RNF168: variants seen among roughly 807,000 people sequenced by gnomAD.
The protein encoded by RNF168 is ring finger protein 168.
RNF168 carries 34 observed loss-of-function variants against 34.9 expected under a neutral mutation model. That is an observed-to-expected ratio of 0.97 (90% CI 0.74 to 1.30). The LOEUF (loss-of-function observed/expected upper bound fraction) is 1.30, where lower values mean the gene tolerates loss of function less well. Among genes scored for constraint, RNF168 ranks in the 50% most tolerant of loss-of-function variants. The probability of loss-of-function intolerance (pLI) is 0.00; values close to 1 mark genes in which losing one functional copy is unlikely to be tolerated. For synonymous variants in RNF168, 264 were observed against 254.7 expected, an observed-to-expected ratio of 1.04 and a Z score of -0.35; for missense variants, 725 against 682.5, an observed-to-expected ratio of 1.06 and a Z score of -0.69.
chr3:196,502,529 A>C (rs1321605576), intron 1 of RNF168, among the ~76,000 whole-genome samples: 1 of 151,504 alleles, frequency 6.6e-6, no homozygotes, highest in Admixed American at 6.6e-5. Context: ...CGGAGGTTGC[A>C]GGGAGCCGAG....
At position 196,472,666 on chromosome 3, in the gene RNF168, G is replaced by T. The variant is rs771652459; in HGVS notation, c.869C>A (p.Ala290Glu). The change falls in exon 6 of 6, where the codon GCA becomes GAA. Residue 290 changes from alanine (A) to glutamate (E), a missense_variant. Physicochemically the swap from Ala to Glu is moderately radical, Grantham distance 107. Transcript: ENST00000318037. ...CATAGGGGACTCTATTGAAGAATCTGCACCTTGTTCTCCAACTCCAAGGGA... is the reference window on the plus strand; with the variant it reads ...CATAGGGGACTCTATTGAAGAATCTTCACCTTGTTCTCCAACTCCAAGGGA... ...QISLGVGEQGADSSIESPMPW... is the reference protein window; with the variant it reads ...QISLGVGEQGEDSSIESPMPW... The T allele has an allele frequency of 1.2e-6, 2 of 1,605,936 alleles. No individual in the cohort carries two copies. Among genetic ancestry groups the T allele is most frequent in the East Asian group, 4.5e-5 (2 of 44,662 alleles).
At chr3:196,493,907 C>T (rs1408840668) in intron 1 of RNF168, among the ~76,000 whole-genome samples, 5 of 149,412 alleles carry the variant, frequency 3.3e-5, no homozygotes, top group Non-Finnish European at 7.4e-5. Flanking sequence ...GGCTGCAGTG[C>T]AGTGGTGCAA....
Position 196,487,562 on chromosome 3 carries a change from C to T in RNF168, c.395G>A (p.Arg132Gln), listed in dbSNP as rs1732487665. The T allele has an allele frequency of 1.1e-5, 17 of 1,614,120 alleles. No individual in the cohort carries two copies. The highest frequency in any genetic ancestry group is 1.4e-5 in the Non-Finnish European group (16 of 1,180,000). ...EEISKVAAER[R>Q]ASEEEENKAS... Reference sequence around the variant, plus strand: ...TTTGTTTTCTTCTTCCTCGCTGGCCCGTCGCTCTGCCGCCACCTTAAAAGT... The same window carrying T: ...TTTGTTTTCTTCTTCCTCGCTGGCCTGTCGCTCTGCCGCCACCTTAAAAGT... Residue 132 changes from arginine (R) to glutamine (Q), a missense_variant, in exon 3 of 6, where the codon CGG becomes CAG. Arg to Gln is a conservative substitution (Grantham distance 43). Transcript: ENST00000318037.
At chr3:196,483,010 T>C (rs1732333175) in intron 4 of RNF168, among the ~76,000 whole-genome samples, 1 of 152,182 alleles carries the variant, frequency 6.6e-6, no homozygotes, top group Non-Finnish European at 1.5e-5. Context: ...CAGCATATTG[T>C]ATCAATATGA....
chr3:196,498,229 C>T (rs1222119281), intron 1 of RNF168, among the ~76,000 whole-genome samples: 1 of 152,128 alleles, frequency 6.6e-6, no homozygotes, highest in Admixed American at 6.5e-5. Flanking sequence ...GCGATCTAGG[C>T]TCACTGCAAC....
At chr3:196,502,118 A>C (rs1732908143) in intron 1 of RNF168, among the ~76,000 whole-genome samples, 1 of 148,450 alleles carries the variant, frequency 6.7e-6, no homozygotes, top group Non-Finnish European at 1.5e-5. Context: ...CCATATCCTA[A>C]GCCCAGACAG....
At position 196,483,775 on chromosome 3, in the gene RNF168, A is replaced by G; in HGVS notation, c.675T>C (p.Ile225=). The stretch of plus-strand genomic sequence containing the variant: ...TCATAGTCATGTTCACTTACTTCTG[A>G]ATATCTCCAGTGTTTCTTTGTTTGT... ...SKNKQRNTGD[I]QKYLTPKSQF... The change falls in exon 4 of 6, where the codon ATT becomes ATC. Residue 225 remains isoleucine (I), a synonymous_variant. Coordinates refer to ENST00000318037, the MANE Select transcript of RNF168 (RefSeq NM_152617.4). 1 of 1,611,266 alleles carries G rather than the reference A, an allele frequency of 6.2e-7. No homozygotes were observed.
intron 1 of RNF168, among the ~76,000 whole-genome samples, chr3:196,500,010 T>A (rs1343402299): frequency 6.6e-6 from 1 of 152,210 alleles, no homozygotes; most frequent in Non-Finnish European, 1.5e-5. Flanking sequence ...ATAGCAAGTG[T>A]TGGCGAGGGT....
intron 1 of RNF168, among the ~76,000 whole-genome samples, chr3:196,490,281 T>C (rs1371859047): frequency 6.6e-6 from 1 of 152,156 alleles, no homozygotes; most frequent in Non-Finnish European, 1.5e-5. Flanking sequence ...TGATGAGAAT[T>C]TTATTCTATA....
At chr3:196,483,685 T>G in intron 4 of RNF168, 85 bp downstream of exon 4, 5 of 1,186,012 alleles carry the variant, frequency 4.2e-6, no homozygotes, top group East Asian at 2.3e-5. Flanking sequence ...GACCAAACTT[T>G]GAGAATCAGT....
chr3:196,500,626 C>T (rs1732856503), intron 1 of RNF168, among the ~76,000 whole-genome samples: 1 of 152,166 alleles, frequency 6.6e-6, no homozygotes, highest in African/African-American at 2.4e-5. Context: ...CTGAACCATA[C>T]AATTACAAAC....
intron 1 of RNF168, among the ~76,000 whole-genome samples, chr3:196,497,515 CA>C (rs1475597581): frequency 6.6e-6 from 1 of 151,858 alleles, no homozygotes; most frequent in Non-Finnish European, 1.5e-5. Context: ...ACAAAAAATA[CA>C]AAAATTAGCC....
intron 4 of RNF168, among the ~76,000 whole-genome samples, chr3:196,479,132 C>A (rs1379379269): frequency 2.6e-5 from 4 of 151,916 alleles, no homozygotes; most frequent in Non-Finnish European, 5.9e-5. Context: ...TCTGCCTCAG[C>A]CTCCCGAGTA....
chr3:196,498,708 C>T (rs78298866), intron 1 of RNF168, among the ~76,000 whole-genome samples: 1 of 152,074 alleles, frequency 6.6e-6, no homozygotes, highest in African/African-American at 2.4e-5. Flanking sequence ...AAGAATAAAT[C>T]TTGAGGCCAG....
In RNF168 at chr3:196,483,840, AT is replaced by A; in HGVS notation, c.609del (p.Lys203AsnfsTer27). The A allele has an allele frequency of 1.2e-6, 2 of 1,609,518 alleles. No individual in the cohort carries two copies. The highest frequency in any genetic ancestry group is 1.7e-6 in the Non-Finnish European group (2 of 1,175,898). ...TCAGACTTGGGTGTAACTGGATCAG[AT>A]TTTCTGGAATTCAAGGGAGAAGCCG... The part of the protein sequence containing the change: ...SISASPLNSR[K>X]SDPVTPKSEK... On this transcript the variant is annotated frameshift_variant, in exon 4 of 6. Transcript: ENST00000318037. LOFTEE classifies it high-confidence loss of function.
intron 4 of RNF168, among the ~76,000 whole-genome samples, chr3:196,480,697 C>A (rs1420020288): frequency 6.6e-6 from 1 of 152,168 alleles, no homozygotes; most frequent in African/African-American, 2.4e-5. Flanking sequence ...GGCTGGAGTG[C>A]AGTGGTAAAA....
intron 3 of RNF168, among the ~76,000 whole-genome samples, chr3:196,486,195 T>A (rs1732416804): frequency 6.6e-6 from 1 of 152,188 alleles, no homozygotes; most frequent in Non-Finnish European, 1.5e-5. Context: ...GTGATTTACA[T>A]CCATAAAATG....
chr3:196,489,606 C>T (rs150960129), intron 1 of RNF168, among the ~76,000 whole-genome samples: 138 of 152,020 alleles, frequency 9.1e-4, no homozygotes, highest in East Asian at 6.2e-3. Context: ...GGACTACAGG[C>T]GTGAGCCACC....
At chr3:196,500,922 A>G (rs1732868317) in intron 1 of RNF168, among the ~76,000 whole-genome samples, 1 of 152,182 alleles carries the variant, frequency 6.6e-6, no homozygotes, top group South Asian at 2.1e-4. Context: ...CGTGTTAGCC[A>G]GGATGGTCTC....
Sources: gnomAD v4.1 joint callset for allele counts (sites outside exome capture counted in the v4.1 genomes callset) on GRCh38, gnomAD v4.1.1 for gene constraint, MANE v1.5 for transcripts, NCBI Gene and HGNC (gene_info 2026-07-23, HGNC 2026-07-21) for gene names.